Variants in SIL1 observed in about 807,000 individuals in gnomAD.
SIL1 encodes the protein SIL1 nucleotide exchange factor, also known as nucleotide exchange factor SIL1.
SIL1 carries 40 observed loss-of-function variants against 49.1 expected under a neutral mutation model. The ratio of observed to expected loss-of-function variants is 0.81; its 90% CI spans 0.63 to 1.06. The LOEUF is 1.06. SIL1 is among the 50% of genes least tolerant of loss of function. SIL1 has a pLI of 0.00. For missense variants in SIL1, 500 were observed against 572.6 expected (o/e 0.87, Z 1.29); for synonymous variants, 253 against 250.8 (o/e 1.01, Z -0.08).
At chr5:139,034,344 T>C (rs186753790) in intron 5 of SIL1, 1 of 152,228 alleles carries the variant, frequency 6.6e-6, no homozygotes, top group Non-Finnish European at 1.5e-5. Flanking sequence ...GTAATATTTT[T>C]ATATGTTAGA....
intron 7 of SIL1, among the ~76,000 whole-genome samples, chr5:138,961,947 C>T (rs1580985647): frequency 7.1e-6 from 1 of 140,744 alleles, no homozygotes; most frequent in East Asian, 2.0e-4. Context: ...CTGATGTTCT[C>T]TAGACTTTTT....
At chr5:139,140,455 T>A (rs543227439) in intron 1 of SIL1, among the ~76,000 whole-genome samples, 2 of 152,348 alleles carry the variant, frequency 1.3e-5, no homozygotes, top group African/African-American at 4.8e-5. Flanking sequence ...CAACTATGTC[T>A]TCCAGGTAAG....
At chr5:139,189,814 C>G (rs1752136222) in intron 1 of SIL1, among the ~76,000 whole-genome samples, 1 of 152,166 alleles carries the variant, frequency 6.6e-6, no homozygotes, top group African/African-American at 2.4e-5. Context: ...GAGTGAGACT[C>G]TGTCTCAAAA....
At chr5:139,002,989 A>T (rs554069275) in intron 7 of SIL1, among the ~76,000 whole-genome samples, 1 of 152,256 alleles carries the variant, frequency 6.6e-6, no homozygotes, top group East Asian at 1.9e-4. Context: ...GGCCTAACTC[A>T]GGCCAAACCT....
intron 3 of SIL1, among the ~76,000 whole-genome samples, chr5:139,090,386 A>C (rs1203895276): frequency 6.6e-6 from 1 of 152,182 alleles, no homozygotes; most frequent in Non-Finnish European, 1.5e-5. Context: ...TCATGTCTCC[A>C]ACTGCCATCT....
Position 139,121,074 on chromosome 5 carries a change from C to T in SIL1, c.205G>A (p.Val69Met), listed in dbSNP as rs778797298. ...TGCCACTCATGCGTCGGGTGGAACA[C>T]CTCCAGGACTTCGGCATCCAGCTCC... ...EEELDAEVLEVFHPTHEWQAL... is the reference protein window; with the variant it reads ...EEELDAEVLEMFHPTHEWQAL... The change falls in exon 3 of 10, where the codon GTG becomes ATG. Residue 69 changes from valine to methionine, a missense_variant. Transcript: ENST00000394817. 34 of 1,614,054 alleles carry T rather than the reference C, an allele frequency of 2.1e-5. No individual in the cohort carries two copies. The highest frequency in any genetic ancestry group is 3.3e-5 in the Admixed American group (2 of 60,008).
chr5:139,169,524 T>C (rs937677465), intron 1 of SIL1, among the ~76,000 whole-genome samples: 1 of 150,738 alleles, frequency 6.6e-6, no homozygotes, highest in Non-Finnish European at 1.5e-5. Context: ...TTGCCCAGGC[T>C]GGACTGGAGT....
chr5:139,147,574 G>A (rs957168753), intron 1 of SIL1, among the ~76,000 whole-genome samples: 1 of 152,162 alleles, frequency 6.6e-6, no homozygotes, highest in Non-Finnish European at 1.5e-5. Flanking sequence ...CAGAGGAGGA[G>A]AGCAATCAGC....
At chr5:139,068,655 GAAAA>G (rs745799045) in intron 3 of SIL1, among the ~76,000 whole-genome samples, 2 of 64,824 alleles carry the variant, frequency 3.1e-5, no homozygotes, top group East Asian at 5.2e-4. Flanking sequence ...GAATGAAAAG[GAAAA>G]AAAAAAAAAA....
At chr5:139,108,897 C>G (rs1280721813) in intron 3 of SIL1, among the ~76,000 whole-genome samples, 1 of 129,938 alleles carries the variant, frequency 7.7e-6, no homozygotes, top group Admixed American at 7.6e-5. Flanking sequence ...AGCATGAAAA[C>G]AAGGAAAAGA....
chr5:138,947,147 A>G lies in SIL1; in HGVS notation c.1356T>C (p.Ser452=), dbSNP rs754424038. 43 of 1,613,566 alleles carry G rather than the reference A, an allele frequency of 2.7e-5. No individual in the cohort carries two copies. The highest frequency in any genetic ancestry group is 3.5e-5 in the Non-Finnish European group (41 of 1,179,802). ...TCAGCTCCTTCAGCAAGCTGTTGAC[A>G]GAGCCCAGCAGCTCCTGGAAGTAGC... is the stretch of plus-strand genomic sequence containing the variant. ...DEGYFQELLG[S]VNSLLKELR The change falls in exon 10 of 10, where the codon TCT becomes TCC. Residue 452 remains serine, a synonymous_variant. Coordinates refer to ENST00000394817, the MANE Select transcript of SIL1 (RefSeq NM_022464.5). This position sits in a 1 kb window ranked among gnomAD's most constrained non-coding sequence, Gnocchi z 4.1.
Position 139,058,078 on chromosome 5 carries a change from C to A in SIL1, c.245-7032G>T, listed in dbSNP as rs115999078. 9.6e-3 allele frequency among the ~76,000 whole-genome samples: 1,458 copies of A among 152,272 alleles called. 9 individuals carry two copies. Among genetic ancestry groups the A allele is most frequent in the Admixed American group, 0.015 (230 of 15,298 alleles). ...AGTAGTATATCCATATAATATTATT[C>A]ACCATTAAAAGGAGCAATAAATACT... On this transcript the variant is annotated intron_variant, in intron 3 of 9. Coordinates refer to ENST00000394817, the MANE Select transcript of SIL1 (RefSeq NM_022464.5).
At chr5:138,979,103 G>A (rs1767457287) in intron 7 of SIL1, among the ~76,000 whole-genome samples, 1 of 151,182 alleles carries the variant, frequency 6.6e-6, no homozygotes, top group South Asian at 2.1e-4. Context: ...GTCTCGCTCT[G>A]TCGCCAGGCT....
At chr5:139,025,146 G>GAAC (rs746073445) in intron 6 of SIL1, among the ~76,000 whole-genome samples, 1 of 152,170 alleles carries the variant, frequency 6.6e-6, no homozygotes, top group Non-Finnish European at 1.5e-5. Flanking sequence ...CAAGTGCCTG[G>GAAC]AACAGTGCCT....
At position 139,190,507 on chromosome 5, in the gene SIL1, A is replaced by C. The variant is rs146251973; in HGVS notation, c.-11+7762T>G. On this transcript the variant is annotated intron_variant, in intron 1 of 9. Coordinates refer to ENST00000394817, the MANE Select transcript of SIL1 (RefSeq NM_022464.5). Reference sequence around the variant, plus strand: ...CTGCAAAAGCATCCTGCATCTTTACAATGCTTTAAACAATTCTAACAACTT... The same window carrying C: ...CTGCAAAAGCATCCTGCATCTTTACCATGCTTTAAACAATTCTAACAACTT... Among the ~76,000 whole-genome samples the C allele has an allele frequency of 8.5e-5, 13 of 152,290 alleles. No individual in the cohort carries two copies. The East Asian group carries it at 2.1e-3, about 25-fold the overall frequency.
At chr5:139,194,706 G>A (rs889663197) in intron 1 of SIL1, among the ~76,000 whole-genome samples, 5 of 152,108 alleles carry the variant, frequency 3.3e-5, no homozygotes, top group African/African-American at 9.7e-5. Context: ...TAGGAATAGC[G>A]ACTAAGGGAC....
At chr5:139,171,510 G>C (rs370631338) in intron 1 of SIL1, among the ~76,000 whole-genome samples, 19 of 151,940 alleles carry the variant, frequency 1.3e-4, no homozygotes, top group African/African-American at 2.2e-4. Flanking sequence ...CAGCGTGCTC[G>C]TTAAGAATCA....
chr5:139,127,968 G>T, intron 1 of SIL1, 115 bp from the exon 2 acceptor site: 1 of 722,678 alleles, frequency 1.4e-6, no homozygotes, highest in East Asian at 2.8e-5. Context: ...CTGCATAGAG[G>T]TATAACGAGT....
Position 139,007,856 on chromosome 5 carries a change from G to A in SIL1, c.767+13315C>T, listed in dbSNP as rs1310591152. ...AGCTTTTTGATGTGCTGCTGGATTC[G>A]GTTTGCCAGTATTTTATTGAGGATT... On this transcript the variant is annotated intron_variant, in intron 7 of 9. Coordinates refer to ENST00000394817, the MANE Select transcript of SIL1 (RefSeq NM_022464.5). Among the ~76,000 whole-genome samples the A allele has an allele frequency of 1.1e-3, 159 of 144,700 alleles. 1 individual carries two copies. The highest frequency in any genetic ancestry group is 3.8e-3 in the African/African-American group (148 of 39,122). 94.9% of individuals were successfully genotyped at this position (144,700 alleles called of 152,430 possible).
Sources: gnomAD v4.1 joint callset for allele counts (sites outside exome capture counted in the v4.1 genomes callset) on GRCh38, gnomAD v4.1.1 for gene constraint, Gnocchi (gnomAD v3.1) non-coding constraint, MANE v1.5 for transcripts, NCBI Gene and HGNC (gene_info 2026-07-23, HGNC 2026-07-21) for gene names.